The following PRKN variants were observed in gnomAD, a reference collection of about 807,000 sequenced individuals.
PRKN encodes parkin RBR E3 ubiquitin protein ligase, also known as E3 ubiquitin-protein ligase parkin.
In PRKN, 56 loss-of-function variants were observed where a neutral mutation model predicts 59.5. The ratio of observed to expected loss-of-function variants is 0.94; its 90% CI spans 0.76 to 1.18. PRKN has a LOEUF of 1.18. Among genes scored for constraint, PRKN ranks in the 50% most tolerant of loss-of-function variants. The pLI, the probability that PRKN is intolerant of heterozygous loss-of-function variation, is 0.00. For synonymous variants in PRKN, 250 were observed against 222.1 expected (o/e 1.13, Z -1.12); for missense variants, 657 against 596.4 (o/e 1.10, Z -1.06).
chr6:161,563,257 A>G (rs1443498771), intron 8 of PRKN, among the ~76,000 whole-genome samples: 1 of 152,146 alleles, frequency 6.6e-6, no homozygotes, highest in Non-Finnish European at 1.5e-5. Flanking sequence ...CTCATTTACT[A>G]TTTTATCCAA....
chr6:162,671,272 G>A (rs770677658), intron 1 of PRKN, among the ~76,000 whole-genome samples: 4 of 152,084 alleles, frequency 2.6e-5, no homozygotes, highest in African/African-American at 4.8e-5. Context: ...AGGCCGAGGC[G>A]GGTGGATCAC....
At chr6:161,650,646 C>T (rs1184770297) in intron 7 of PRKN, among the ~76,000 whole-genome samples, 2 of 152,158 alleles carry the variant, frequency 1.3e-5, no homozygotes, top group African/African-American at 2.4e-5. Flanking sequence ...TTTTGGTACT[C>T]GGCCTTTCAA....
At chr6:161,515,178 C>T (rs1778541852) in intron 9 of PRKN, among the ~76,000 whole-genome samples, 1 of 152,190 alleles carries the variant, frequency 6.6e-6, no homozygotes, top group Non-Finnish European at 1.5e-5. Context: ...CCAACTGCAT[C>T]TACTGAACAT....
intron 4 of PRKN, among the ~76,000 whole-genome samples, chr6:162,107,282 T>A (rs1780228052): frequency 6.6e-6 from 1 of 152,124 alleles, no homozygotes; most frequent in African/African-American, 2.4e-5. Context: ...CTGGCCAACA[T>A]GGCGAAACCC....
At chr6:161,859,505 G>A (rs2128224209) in intron 6 of PRKN, among the ~76,000 whole-genome samples, 1 of 151,164 alleles carries the variant, frequency 6.6e-6, no homozygotes, top group Non-Finnish European at 1.5e-5. Context: ...CAGCTACTCG[G>A]GAGGATGTGG....
chr6:161,641,064 T>C (rs961522443), intron 7 of PRKN, among the ~76,000 whole-genome samples: 1 of 152,214 alleles, frequency 6.6e-6, no homozygotes, highest in African/African-American at 2.4e-5. Flanking sequence ...ATCTCCAAGC[T>C]ATCATTGTTC....
intron 6 of PRKN, among the ~76,000 whole-genome samples, chr6:161,861,577 G>A (rs1427622436): frequency 7.4e-6 from 1 of 135,960 alleles, no homozygotes; most frequent in African/African-American, 2.8e-5. Context: ...ATGTATCCCA[G>A]AACTTAAAAG....
chr6:162,666,044 GACTT>G (rs1208965193), intron 1 of PRKN, among the ~76,000 whole-genome samples: 9 of 152,116 alleles, frequency 5.9e-5, no homozygotes, highest in African/African-American at 2.2e-4. Flanking sequence ...ATTGATTAAA[GACTT>G]ACTTAAATTT....
intron 4 of PRKN, among the ~76,000 whole-genome samples, chr6:162,125,933 G>T (rs1051617565): frequency 1.3e-5 from 2 of 152,126 alleles, no homozygotes; most frequent in African/African-American, 4.8e-5. Flanking sequence ...TACCTGCTAC[G>T]AAGATCGTCA....
chr6:162,723,428 G>A (rs1779010399), intron 1 of PRKN, among the ~76,000 whole-genome samples: 1 of 152,204 alleles, frequency 6.6e-6, no homozygotes, highest in South Asian at 2.1e-4. Context: ...AAGGACAGTT[G>A]TGCAGCTTGT....
intron 7 of PRKN, among the ~76,000 whole-genome samples, chr6:161,679,790 T>A (rs1374264897): frequency 3.0e-5 from 4 of 132,000 alleles, no homozygotes; most frequent in Non-Finnish European, 4.7e-5. Context: ...AGTCTCACTC[T>A]GTCACCCAGG....
rs533336248 is a variant in PRKN, at chr6:162,457,434, A to C, written c.8-13961T>G. Among the ~76,000 whole-genome samples the C allele has an allele frequency of 1.0e-3, 157 of 152,292 alleles. 1 individual carries two copies. Among genetic ancestry groups the C allele is most frequent in the Non-Finnish European group, 2.1e-3 (142 of 68,024 alleles). On this transcript the variant is annotated intron_variant, in intron 1 of 11. Coordinates refer to ENST00000366898, the MANE Select transcript of PRKN (RefSeq NM_004562.3). ...ATTTAACCTTAATATTTATAATCTG[A>C]CCATACTGCAACTACTTAAACCTAT...
At chr6:162,471,377 C>G (rs1007573037) in intron 1 of PRKN, among the ~76,000 whole-genome samples, 4 of 152,122 alleles carry the variant, frequency 2.6e-5, no homozygotes, top group Admixed American at 2.6e-4. Context: ...GGATTACAGG[C>G]GTGAGCCACT....
At chr6:162,404,678 G>A (rs560389216) in intron 2 of PRKN, among the ~76,000 whole-genome samples, 5 of 151,958 alleles carry the variant, frequency 3.3e-5, no homozygotes, top group South Asian at 2.1e-4. Flanking sequence ...TCAGCCTCCC[G>A]AGTAGCTCGG....
chr6:161,831,082 G>A (rs1458737630), intron 6 of PRKN, among the ~76,000 whole-genome samples: 7 of 152,176 alleles, frequency 4.6e-5, no homozygotes, highest in Admixed American at 3.9e-4. Context: ...ATATGGTCCT[G>A]TAAGAACCAA....
At chr6:161,757,493 T>G (rs1275939245) in intron 7 of PRKN, among the ~76,000 whole-genome samples, 1 of 151,784 alleles carries the variant, frequency 6.6e-6, no homozygotes, top group Non-Finnish European at 1.5e-5. Flanking sequence ...TGCAAAAGAT[T>G]TTAACAGGCA....
At chr6:162,650,029 C>T (rs901684744) in intron 1 of PRKN, among the ~76,000 whole-genome samples, 21 of 152,242 alleles carry the variant, frequency 1.4e-4, no homozygotes, top group Non-Finnish European at 2.8e-4. Flanking sequence ...ATTTAGAGCA[C>T]GGACATACGT....
At chr6:162,374,902 T>C (rs1340445189) in intron 2 of PRKN, among the ~76,000 whole-genome samples, 5 of 152,156 alleles carry the variant, frequency 3.3e-5, no homozygotes, top group African/African-American at 4.8e-5. Context: ...AGATAAATAG[T>C]ATTTGTTTTA....
chr6:161,507,219 G>A (rs138309085), intron 9 of PRKN, among the ~76,000 whole-genome samples: 11 of 152,310 alleles, frequency 7.2e-5, no homozygotes, highest in African/African-American at 2.6e-4. Flanking sequence ...TGGGAAAGAG[G>A]TTTGGTGACT....
Sources: allele counts gnomAD v4.1 joint callset (sites outside exome capture counted in the v4.1 genomes callset), GRCh38; gene constraint gnomAD v4.1.1; transcripts MANE v1.5; gene names NCBI Gene and HGNC (gene_info 2026-07-23, HGNC 2026-07-21).